RASGRF1: variants seen among roughly 807,000 people sequenced by gnomAD.
RASGRF1 encodes the protein Ras protein specific guanine nucleotide releasing factor 1.
Under a neutral mutation model 138.7 loss-of-function variants are expected in RASGRF1, and 40 were observed. That is an observed-to-expected ratio of 0.29 (90% CI 0.22 to 0.38). RASGRF1 has a LOEUF of 0.38. RASGRF1 is among the 10% of genes least tolerant of loss of function. RASGRF1 has a pLI of 1.00. For missense variants in RASGRF1, 1,108 were observed against 1,650.4 expected (o/e 0.67, Z 5.69); for synonymous variants, 614 against 663.2 (o/e 0.93, Z 1.14).
At chr15:78,979,297 G>A in intron 24 of RASGRF1, 2 of 899,482 alleles carry the variant, frequency 2.2e-6, no homozygotes, top group South Asian at 1.8e-5. Context: ...AAAACGCAAA[G>A]AGGAGGCAGA....
intron 26 of RASGRF1, among the ~76,000 whole-genome samples, chr15:78,970,614 T>G (rs1411836142): frequency 2.0e-5 from 2 of 101,842 alleles, no homozygotes; most frequent in African/African-American, 8.5e-5. Flanking sequence ...AGAGTGAGAC[T>G]CTGTCTCAAA....
At chr15:79,023,997 T>C (rs1220282928) in intron 10 of RASGRF1, among the ~76,000 whole-genome samples, 3 of 143,808 alleles carry the variant, frequency 2.1e-5, no homozygotes. Flanking sequence ...ATCTCACACA[T>C]AGACACACAC....
At position 79,025,926 on chromosome 15, in the gene RASGRF1, T is replaced by TA. The variant is rs11328006; in HGVS notation, c.1382-453dup. ...TGTAAAAAAGATAGCTACTAAGATT[T>TA]AAAAAAAAAAAAAAAAAAGATACAT... On this transcript the variant is annotated intron_variant, in intron 9 of 26. Coordinates refer to ENST00000558480, the MANE Select transcript of RASGRF1 (RefSeq NM_001145648.3). Among the ~76,000 whole-genome samples the TA allele has an allele frequency of 6.8e-4, 98 of 143,372 alleles. 3 individuals are homozygous for TA. The South Asian group carries it at 0.01, about 15-fold the overall frequency. 94.1% of individuals were successfully genotyped at this position (143,372 alleles called of 152,430 possible). A position where few individuals can be genotyped will look rare whatever the true frequency, so the allele number is the denominator to read the frequency against.
intron 9 of RASGRF1, 91 bp from the exon 10 acceptor site, chr15:79,025,565 G>T: frequency 6.9e-7 from 1 of 1,441,488 alleles, no homozygotes; most frequent in Non-Finnish European, 9.4e-7. Flanking sequence ...TGGGGCAGCA[G>T]CAGTGGGACA....
chr15:78,968,819 T>G (rs57850655), intron 26 of RASGRF1, among the ~76,000 whole-genome samples: 5,758 of 152,258 alleles, frequency 0.038, 501 homozygotes, highest in East Asian at 0.35. Flanking sequence ...GGCTTCAAAT[T>G]TGGCTTGCCT....
At chr15:79,060,481 G>T (rs1192144270) in intron 2 of RASGRF1, among the ~76,000 whole-genome samples, 1 of 152,224 alleles carries the variant, frequency 6.6e-6, no homozygotes, top group African/African-American at 2.4e-5. Flanking sequence ...CTTCTAGTTT[G>T]TGTTGAATCT....
chr15:78,995,703 G>C (rs1428957123), intron 20 of RASGRF1, 37 bp downstream of exon 20: 2 of 1,612,238 alleles, frequency 1.2e-6, no homozygotes. Flanking sequence ...GGATGGGGAG[G>C]AAAGCCTTGG....
intron 1 of RASGRF1, among the ~76,000 whole-genome samples, chr15:79,089,339 T>C (rs1289691479): frequency 2.6e-5 from 4 of 152,196 alleles, no homozygotes; most frequent in Admixed American, 2.6e-4. Context: ...CGCACCAAGC[T>C]TAAAGGTGGC....
rs1357642979 is a variant in RASGRF1 at position 78,961,056 on chromosome 15, C to A, written c.*1088G>T. On this transcript the variant is annotated 3_prime_UTR_variant, in exon 27 of 27. Transcript: ENST00000558480. ...TCATACCACTAGGTATTGCTTACAG[C>A]AAAAGTTGTCTGTCTGTTGTAGTGG... 6.6e-6 allele frequency: 1 copy of A among 152,178 alleles called. No individual in the cohort carries two copies. The highest frequency in any genetic ancestry group is 2.4e-5 in the African/African-American group (1 of 41,420). 9.4% of individuals were successfully genotyped at this position (152,178 alleles called of 1,614,324 possible). A position where few individuals can be genotyped will look rare whatever the true frequency, so the allele number is the denominator to read the frequency against.
At chr15:78,989,153 T>C (rs2056220014) in intron 22 of RASGRF1, among the ~76,000 whole-genome samples, 1 of 152,206 alleles carries the variant, frequency 6.6e-6, no homozygotes, top group East Asian at 1.9e-4. Context: ...GGGACCTGTC[T>C]GCCCCCCAGT....
chr15:79,010,032 GTT>G (rs1002867378), intron 13 of RASGRF1, among the ~76,000 whole-genome samples: 3 of 128,846 alleles, frequency 2.3e-5, no homozygotes, highest in African/African-American at 3.0e-5. Flanking sequence ...CTCTTTGTTT[GTT>G]TTTTTTTTTT....
intron 15 of RASGRF1, among the ~76,000 whole-genome samples, chr15:79,003,274 C>T (rs931392431): frequency 1.2e-4 from 18 of 152,248 alleles, no homozygotes; most frequent in African/African-American, 3.1e-4. Flanking sequence ...CCTTCTATGA[C>T]GCTCCTAATG....
chr15:78,965,684 C>G (rs2055629764), intron 26 of RASGRF1, among the ~76,000 whole-genome samples: 1 of 152,098 alleles, frequency 6.6e-6, no homozygotes, highest in Non-Finnish European at 1.5e-5. Context: ...AACCCCATCT[C>G]TACTAAAAAT....
At chr15:79,020,872 G>A (rs1434407189) in intron 10 of RASGRF1, among the ~76,000 whole-genome samples, 2 of 152,130 alleles carry the variant, frequency 1.3e-5, no homozygotes, top group African/African-American at 4.8e-5. Flanking sequence ...GGACTTAGTG[G>A]CTTACATCTA....
intron 22 of RASGRF1, among the ~76,000 whole-genome samples, chr15:78,987,587 T>C (rs2056186621): frequency 6.6e-6 from 1 of 152,078 alleles, no homozygotes; most frequent in East Asian, 1.9e-4. Context: ...TCCCAGCTAC[T>C]CAGGAGGCTG....
chr15:79,075,884 C>A (rs2057826393), intron 1 of RASGRF1, among the ~76,000 whole-genome samples: 1 of 152,218 alleles, frequency 6.6e-6, no homozygotes, highest in African/African-American at 2.4e-5. Context: ...GGCCCAACAA[C>A]ACTTGCCTTG....
chr15:78,976,286 A>G (rs1208452176), intron 24 of RASGRF1, among the ~76,000 whole-genome samples: 1 of 152,096 alleles, frequency 6.6e-6, no homozygotes, highest in East Asian at 1.9e-4. Context: ...TACTACCTCT[A>G]TGGCAGGGGT....
chr15:79,016,811 AG>A (rs1377918415), intron 12 of RASGRF1, among the ~76,000 whole-genome samples: 1 of 152,176 alleles, frequency 6.6e-6, no homozygotes, highest in Admixed American at 6.5e-5. Flanking sequence ...AAAACCAAGA[AG>A]GTGGGGAGCA....
chr15:79,018,355 G>A lies in RASGRF1; in HGVS notation c.1607-449C>T, dbSNP rs185959556. Among the ~76,000 whole-genome samples, 513 of 152,342 alleles carry A rather than the reference G, an allele frequency of 3.4e-3. 1 individual carries two copies. The highest frequency in any genetic ancestry group is 0.013 in the South Asian group (63 of 4,830). On this transcript the variant is annotated intron_variant, in intron 11 of 26. Transcript: ENST00000558480. The stretch of plus-strand genomic sequence containing the variant: ...GTCTTAAACTTTTATGGATTGGGCT[G>A]GACATTTAGTTCAGTTTAGAGCTCC...
Sources: allele counts gnomAD v4.1 joint callset (sites outside exome capture counted in the v4.1 genomes callset), GRCh38; gene constraint gnomAD v4.1.1; transcripts MANE v1.5; gene names NCBI Gene and HGNC (gene_info 2026-07-23, HGNC 2026-07-21).